Variants in PRKCH observed in about 807,000 individuals in gnomAD.
PRKCH encodes the protein protein kinase C eta.
PRKCH carries 28 observed loss-of-function variants against 82.5 expected under a neutral mutation model. The observed-to-expected ratio is 0.34, with a 90% CI of 0.25 to 0.47. The LOEUF (loss-of-function observed/expected upper bound fraction) is 0.47, where lower values mean the gene tolerates loss of function less well. Ranked by LOEUF, PRKCH falls within the 20% of genes least tolerant of loss-of-function variation. The probability of loss-of-function intolerance (pLI) is 1.00; values close to 1 mark genes in which losing one functional copy is unlikely to be tolerated. For synonymous variants in PRKCH, 322 were observed against 327.4 expected (o/e 0.98, Z 0.18); for missense variants, 705 against 881.8 (o/e 0.80, Z 2.54).
chr14:61,376,917 C>T (rs190141914), intron 1 of PRKCH, among the ~76,000 whole-genome samples: 13 of 152,272 alleles, frequency 8.5e-5, no homozygotes, highest in African/African-American at 3.1e-4. Context: ...TGCTGTTTTC[C>T]ACATCTGTCT....
chr14:61,426,421 TCA>T (rs1426527888), intron 2 of PRKCH, among the ~76,000 whole-genome samples: 1 of 152,226 alleles, frequency 6.6e-6, no homozygotes, highest in Non-Finnish European at 1.5e-5. Flanking sequence ...AATAAAGTTT[TCA>T]GTTCACACTG....
chr14:61,527,095 G>GT (rs889927059), intron 10 of PRKCH, among the ~76,000 whole-genome samples: 2 of 152,188 alleles, frequency 1.3e-5, no homozygotes, highest in African/African-American at 4.8e-5. Context: ...TGGGAAGCGG[G>GT]TTTTTTTAAG....
At chr14:61,284,068 A>G (rs2045294520) in intron 1 of PRKCH, among the ~76,000 whole-genome samples, 1 of 152,364 alleles carries the variant, frequency 6.6e-6, no homozygotes, top group African/African-American at 2.4e-5. Flanking sequence ...GTGCAAAGGC[A>G]GGAGCAGGCT....
At chr14:61,356,551 T>C (rs1262930690) in intron 1 of PRKCH, among the ~76,000 whole-genome samples, 1 of 152,218 alleles carries the variant, frequency 6.6e-6, no homozygotes, top group African/African-American at 2.4e-5. Flanking sequence ...TGTCTCAGTT[T>C]ATTGGCTTAA....
intron 2 of PRKCH, among the ~76,000 whole-genome samples, chr14:61,405,046 G>A (rs1037334619): frequency 2.0e-5 from 3 of 152,188 alleles, no homozygotes; most frequent in Non-Finnish European, 2.9e-5. Flanking sequence ...TTGGTTAGGG[G>A]CTTGAAGAGC....
chr14:61,538,989 C>T (rs2043147328), intron 12 of PRKCH, among the ~76,000 whole-genome samples: 1 of 152,268 alleles, frequency 6.6e-6, no homozygotes, highest in South Asian at 2.1e-4. Context: ...AAAAGTAGTT[C>T]GTATAGCTTG....
At chr14:61,432,147 C>T (rs1192947915) in intron 2 of PRKCH, among the ~76,000 whole-genome samples, 1 of 151,960 alleles carries the variant, frequency 6.6e-6, no homozygotes, top group Non-Finnish European at 1.5e-5. Flanking sequence ...TACCACTTTA[C>T]CCTCCTACTG....
At chr14:61,360,468 GCACTC>G (rs2046210482) in intron 1 of PRKCH, among the ~76,000 whole-genome samples, 1 of 151,868 alleles carries the variant, frequency 6.6e-6, no homozygotes, top group Non-Finnish European at 1.5e-5. Flanking sequence ...TCGCGCCACT[GCACTC>G]CAGCCTGGGT....
At chr14:61,238,111 A>G (rs1366578966) in intron 1 of PRKCH, among the ~76,000 whole-genome samples, 1 of 152,250 alleles carries the variant, frequency 6.6e-6, no homozygotes, top group Non-Finnish European at 1.5e-5. Flanking sequence ...GGCCAAACTT[A>G]AACTATGTAA....
chr14:61,261,973 G>C (rs1223733652), intron 1 of PRKCH, among the ~76,000 whole-genome samples: 2 of 152,074 alleles, frequency 1.3e-5, no homozygotes, highest in Non-Finnish European at 2.9e-5. Flanking sequence ...TGTAATCCTA[G>C]CACTTTGGGA....
chr14:61,213,706 G>C (rs12882110), intron 1 of PRKCH, among the ~76,000 whole-genome samples: 110,990 of 152,158 alleles, frequency 0.73, 43,663 homozygotes, highest in Non-Finnish European at 0.9. Context: ...ACTGTCTACA[G>C]CAGTGATTTA....
intron 1 of PRKCH, among the ~76,000 whole-genome samples, chr14:61,297,946 G>T (rs2045417887): frequency 6.6e-6 from 1 of 152,162 alleles, no homozygotes; most frequent in South Asian, 2.1e-4. Context: ...CTCTAGAAAA[G>T]AATAAAATTA....
chr14:61,334,362 C>T (rs10140849), intron 1 of PRKCH, among the ~76,000 whole-genome samples: 26,236 of 151,904 alleles, frequency 0.17, 2,531 homozygotes, highest in African/African-American at 0.26. Flanking sequence ...TGGGTAGGTA[C>T]CAAGTAGAGA....
chr14:61,355,359 T>G (rs2046134873), intron 1 of PRKCH, among the ~76,000 whole-genome samples: 1 of 152,140 alleles, frequency 6.6e-6, no homozygotes, highest in African/African-American at 2.4e-5. Context: ...AAATCCTGTT[T>G]CTTCAGCATC....
intron 12 of PRKCH, among the ~76,000 whole-genome samples, chr14:61,532,089 G>C (rs1433030866): frequency 6.6e-6 from 1 of 152,138 alleles, no homozygotes; most frequent in Non-Finnish European, 1.5e-5. Flanking sequence ...TTGTAAAAAA[G>C]CATGCCAGCC....
intron 10 of PRKCH, among the ~76,000 whole-genome samples, chr14:61,505,788 C>G (rs1887123243): frequency 6.6e-6 from 1 of 152,132 alleles, no homozygotes. Context: ...TAAGTTTCAA[C>G]ATACCAATTT....
chr14:61,542,016 G>A lies in PRKCH; in HGVS notation c.1762-5727G>A, dbSNP rs1031654323. 5.3e-5 allele frequency among the ~76,000 whole-genome samples: 8 copies of A among 152,200 alleles called. No individual in the cohort carries two copies. The South Asian group carries it at 8.3e-4, about 16-fold the overall frequency. On this transcript the variant is annotated intron_variant, in intron 12 of 13. Coordinates refer to ENST00000332981, the MANE Select transcript of PRKCH (RefSeq NM_006255.5). ...AAAACCTATTGTTTGTAGGCCGGGC[G>A]TGGTGGCTCACACCTGTAATCCCAG...
At chr14:61,514,314 T>TA (rs546556676) in intron 10 of PRKCH, among the ~76,000 whole-genome samples, 74,154 of 132,134 alleles carry the variant, frequency 0.56, 23,730 homozygotes, top group Non-Finnish European at 0.71. Context: ...TCTTCTCCTT[T>TA]AAAAAAAAAA....
intron 1 of PRKCH, among the ~76,000 whole-genome samples, chr14:61,294,132 T>TA (rs1407591743): frequency 3.7e-4 from 56 of 152,148 alleles, no homozygotes; most frequent in Non-Finnish European, 6.6e-4. Context: ...TTTTTATTTT[T>TA]TTTTTTGAGA....
Sources: allele counts gnomAD v4.1 joint callset (sites outside exome capture counted in the v4.1 genomes callset), GRCh38; gene constraint gnomAD v4.1.1; transcripts MANE v1.5; gene names NCBI Gene and HGNC (gene_info 2026-07-23, HGNC 2026-07-21).